Variants in DNAAF11 observed in about 807,000 individuals in gnomAD.
The protein encoded by DNAAF11 is dynein axonemal assembly factor 11.
Under a neutral mutation model 60.8 loss-of-function variants are expected in DNAAF11, and 45 were observed. The ratio of observed to expected loss-of-function variants is 0.74; its 90% CI spans 0.58 to 0.95. The LOEUF (loss-of-function observed/expected upper bound fraction) is 0.95, where lower values mean the gene tolerates loss of function less well. Among genes scored for constraint, DNAAF11 ranks in the 40% least tolerant of loss-of-function variants. The probability of loss-of-function intolerance (pLI) is 0.00; values close to 1 mark genes in which losing one functional copy is unlikely to be tolerated. For missense variants in DNAAF11, 546 were observed against 546.2 expected (o/e 1.00, Z 0.00); for synonymous variants, 191 against 183.5 (o/e 1.04, Z -0.33).
chr8:132,694,858 C>A, the DNAAF11 span, among the ~76,000 whole-genome samples: 1 of 152,020 alleles, frequency 6.6e-6, no homozygotes, highest in Non-Finnish European at 1.5e-5. Flanking sequence ...ATGGATGGCA[C>A]CACTCTAGAA....
At position 132,578,460 on chromosome 8, in the gene DNAAF11, T is replaced by A. The variant is rs1814990258; in HGVS notation, c.1226+5234A>T. On this transcript the variant is annotated intron_variant, in intron 11 of 11. Transcript: ENST00000620350. ...GGCCTCTAGGACGGACGCCCATCAC[T>A]GGTCTTACCCACGACCTGACTGTCA... The A allele has an allele frequency of 2.0e-6, 3 of 1,529,728 alleles. No homozygotes were observed. The South Asian group carries it at 3.6e-5, about 19-fold the overall frequency. 94.8% of individuals were successfully genotyped at this position (1,529,728 alleles called of 1,614,324 possible). A position where few individuals can be genotyped will look rare whatever the true frequency, so the allele number is the denominator to read the frequency against.
intron 10 of DNAAF11, among the ~76,000 whole-genome samples, chr8:132,584,332 A>G (rs1815655659): frequency 6.6e-6 from 1 of 152,214 alleles, no homozygotes; most frequent in Admixed American, 6.5e-5. Flanking sequence ...TGAAGTCTCA[A>G]TAAATAAAAT....
chr8:132,578,671 A>G (rs1030948537), intron 11 of DNAAF11, among the ~76,000 whole-genome samples: 3 of 152,238 alleles, frequency 2.0e-5, no homozygotes, highest in Non-Finnish European at 4.4e-5. Context: ...CTAGTAAGCT[A>G]GCATATTTGG....
At chr8:132,657,590 C>A (rs1255765800) in intron 2 of DNAAF11, among the ~76,000 whole-genome samples, 1 of 152,126 alleles carries the variant, frequency 6.6e-6, no homozygotes, top group Non-Finnish European at 1.5e-5. Flanking sequence ...AAGCCAAAAT[C>A]AACCTGATAC....
intron 7 of DNAAF11, among the ~76,000 whole-genome samples, chr8:132,617,850 T>C (rs892837171): frequency 6.6e-6 from 1 of 150,672 alleles, no homozygotes; most frequent in Admixed American, 6.6e-5. Flanking sequence ...AGAATCAATA[T>C]TGTGAAAATG....
At chr8:132,683,565 C>T in the DNAAF11 span, among the ~76,000 whole-genome samples, 1 of 152,156 alleles carries the variant, frequency 6.6e-6, no homozygotes, top group Non-Finnish European at 1.5e-5. Flanking sequence ...CTTTGCCTCC[C>T]AGCTCCATCC....
chr8:132,593,765 T>C (rs1032037537), intron 10 of DNAAF11, among the ~76,000 whole-genome samples: 5 of 152,104 alleles, frequency 3.3e-5, no homozygotes, highest in East Asian at 1.9e-4. Flanking sequence ...TATGAGGCCA[T>C]TGATTTTTGA....
intron 10 of DNAAF11, among the ~76,000 whole-genome samples, chr8:132,596,629 C>G (rs1006364572): frequency 6.6e-6 from 1 of 152,140 alleles, no homozygotes; most frequent in Non-Finnish European, 1.5e-5. Context: ...AGGCTAAGTA[C>G]CCAGGACCTG....
chr8:132,613,618 T>C (rs949948509), intron 8 of DNAAF11, among the ~76,000 whole-genome samples: 7 of 152,184 alleles, frequency 4.6e-5, no homozygotes, highest in South Asian at 2.1e-4. Context: ...TTGTACAATA[T>C]TGTGAATTTA....
the DNAAF11 span, among the ~76,000 whole-genome samples, chr8:132,692,793 T>C: frequency 6.6e-6 from 1 of 152,206 alleles, no homozygotes; most frequent in Non-Finnish European, 1.5e-5. Flanking sequence ...TACTCATTCC[T>C]GACTTTCCTT....
At chr8:132,595,869 G>A (rs1041655022) in intron 10 of DNAAF11, among the ~76,000 whole-genome samples, 1 of 152,230 alleles carries the variant, frequency 6.6e-6, no homozygotes, top group Non-Finnish European at 1.5e-5. Context: ...GGCTGTCCAA[G>A]GTAGTCCAGT....
At chr8:132,680,863 A>G in the DNAAF11 span, among the ~76,000 whole-genome samples, 10 of 151,820 alleles carry the variant, frequency 6.6e-5, no homozygotes, top group African/African-American at 2.4e-4. Flanking sequence ...GGCACATTAC[A>G]TGTAAAACCC....
intron 10 of DNAAF11, among the ~76,000 whole-genome samples, chr8:132,597,259 TG>T (rs1422170580): frequency 2.6e-5 from 4 of 152,088 alleles, no homozygotes; most frequent in Non-Finnish European, 5.9e-5. Context: ...AAGACGTGGC[TG>T]TTCCCCAGAG....
intron 7 of DNAAF11, among the ~76,000 whole-genome samples, chr8:132,618,690 T>C (rs1464355401): frequency 1.3e-5 from 2 of 149,730 alleles, no homozygotes; most frequent in South Asian, 2.1e-4. Flanking sequence ...AAAAAACACA[T>C]GAAAAAATGC....
At position 132,638,056 on chromosome 8, in the gene DNAAF11, A is replaced by G. The variant is rs1163124940; in HGVS notation, c.308T>C (p.Leu103Pro). The stretch of plus-strand genomic sequence containing the variant: ...GTGCTGCAAGTTTTTAATGCTGCTC[A>G]GCTCTCCAATGAAATTCACAGTCAG... ...LDLTVNFIGE[L>P]SSIKNLQHNI... Residue 103 changes from leucine to proline, a missense_variant, in exon 4 of 12, where the codon CTG (leucine) becomes CCG (proline). By Grantham distance (98) the Leu-to-Pro change is moderately conservative (BLOSUM62 -3). Coordinates refer to ENST00000620350, the MANE Select transcript of DNAAF11 (RefSeq NM_012472.6). The G allele has an allele frequency of 1.2e-6, 2 of 1,614,178 alleles. No individual in the cohort carries two copies. The highest frequency in any genetic ancestry group is 2.2e-5 in the East Asian group (1 of 44,880).
the DNAAF11 span, among the ~76,000 whole-genome samples, chr8:132,697,337 G>A: frequency 2.6e-5 from 4 of 152,150 alleles, no homozygotes; most frequent in Non-Finnish European, 5.9e-5. Flanking sequence ...ACTCAATAAA[G>A]CAGTTTTTAA....
At chr8:132,660,941 A>C (rs1468938457) in intron 2 of DNAAF11, among the ~76,000 whole-genome samples, 3 of 152,118 alleles carry the variant, frequency 2.0e-5, no homozygotes, top group Admixed American at 2.0e-4. Flanking sequence ...TGATATTTTT[A>C]TCTTCATTGA....
intron 10 of DNAAF11, among the ~76,000 whole-genome samples, chr8:132,598,842 C>T (rs1050969194): frequency 6.6e-6 from 1 of 151,960 alleles, no homozygotes; most frequent in Non-Finnish European, 1.5e-5. Context: ...AAATTGACAC[C>T]CTAACATCAC....
At chr8:132,701,631 G>A in the DNAAF11 span, among the ~76,000 whole-genome samples, 5 of 152,164 alleles carry the variant, frequency 3.3e-5, no homozygotes, top group African/African-American at 9.7e-5. Context: ...AAGACACACC[G>A]AATGCACTAG....
Sources: gnomAD v4.1 joint callset for allele counts (sites outside exome capture counted in the v4.1 genomes callset) on GRCh38, gnomAD v4.1.1 for gene constraint, MANE v1.5 for transcripts, NCBI Gene and HGNC (gene_info 2026-07-23, HGNC 2026-07-21) for gene names.